Variants in KCNT2 observed in about 807,000 individuals in gnomAD.
KCNT2 encodes the protein potassium sodium-activated channel subfamily T member 2, also known as potassium channel subfamily T member 2.
In KCNT2, 67 loss-of-function variants were observed where a neutral mutation model predicts 153.8. The ratio of observed to expected loss-of-function variants is 0.44; its 90% CI spans 0.36 to 0.53. KCNT2 has a LOEUF of 0.53. KCNT2 is among the 20% of genes least tolerant of loss of function. The pLI is 0.00. For synonymous variants in KCNT2, 500 were observed against 458.8 expected (o/e 1.09, Z -1.15); for missense variants, 975 against 1,354.8 (o/e 0.72, Z 4.40).
intron 26 of KCNT2, among the ~76,000 whole-genome samples, chr1:196,252,677 A>C (rs1656082517): frequency 6.6e-6 from 1 of 151,620 alleles, no homozygotes; most frequent in South Asian, 2.1e-4. Context: ...CTATATATTT[A>C]CTATTTGGTC....
chr1:196,508,982 C>A (rs962647390), intron 1 of KCNT2, among the ~76,000 whole-genome samples: 6 of 152,068 alleles, frequency 3.9e-5, no homozygotes, highest in African/African-American at 1.4e-4. Context: ...CAAGAAGGTT[C>A]AAAGGACCGG....
intron 12 of KCNT2, among the ~76,000 whole-genome samples, chr1:196,403,073 C>G (rs1671553376): frequency 6.6e-6 from 1 of 151,578 alleles, no homozygotes; most frequent in African/African-American, 2.4e-5. Flanking sequence ...TAGTATTTAC[C>G]TAAGTGAACA....
chr1:196,391,551 C>G (rs1462467930), intron 13 of KCNT2, among the ~76,000 whole-genome samples: 4 of 151,136 alleles, frequency 2.6e-5, no homozygotes, highest in Non-Finnish European at 5.9e-5. Flanking sequence ...TGGAGATAAA[C>G]AAAAGATTAT....
intron 22 of KCNT2, among the ~76,000 whole-genome samples, chr1:196,292,834 A>T (rs1660323358): frequency 2.1e-5 from 3 of 140,602 alleles, no homozygotes; most frequent in African/African-American, 8.0e-5. Flanking sequence ...AAAAAAAAAA[A>T]GGAAGAAGTT....
At chr1:196,379,126 T>C (rs1369102133) in intron 13 of KCNT2, among the ~76,000 whole-genome samples, 1 of 152,168 alleles carries the variant, frequency 6.6e-6, no homozygotes, top group African/African-American at 2.4e-5. Context: ...CCCTAAACTC[T>C]TTTCTTCTTG....
intron 13 of KCNT2, among the ~76,000 whole-genome samples, chr1:196,395,829 C>T (rs540501887): frequency 5.9e-5 from 9 of 151,352 alleles, no homozygotes; most frequent in South Asian, 2.1e-4. Flanking sequence ...TAGGGTAAAC[C>T]GAAGGAGCTA....
intron 12 of KCNT2, among the ~76,000 whole-genome samples, chr1:196,419,756 A>G (rs1222373559): frequency 6.6e-6 from 1 of 151,966 alleles, no homozygotes; most frequent in Non-Finnish European, 1.5e-5. Flanking sequence ...AAGACATTCC[A>G]ATTTTCCACC....
At chr1:196,426,823 A>G (rs1480639162) in intron 10 of KCNT2, among the ~76,000 whole-genome samples, 1 of 151,868 alleles carries the variant, frequency 6.6e-6, no homozygotes, top group Non-Finnish European at 1.5e-5. Flanking sequence ...TCACGGTGGC[A>G]GATTTCCCCC....
intron 6 of KCNT2, 29 bp from the exon 7 acceptor site, chr1:196,467,815 C>T: frequency 7.0e-7 from 1 of 1,428,726 alleles, no homozygotes; most frequent in South Asian, 1.2e-5. Context: ...CAAAACTAGA[C>T]TTTTATCTCA....
At chr1:196,349,410 T>C (rs944996168) in intron 14 of KCNT2, among the ~76,000 whole-genome samples, 4 of 152,160 alleles carry the variant, frequency 2.6e-5, no homozygotes, top group South Asian at 2.1e-4. Context: ...TTGTTCTCCC[T>C]GGGCTGTCGC....
chr1:196,484,540 T>C (rs1475845646), intron 3 of KCNT2, among the ~76,000 whole-genome samples: 1 of 152,148 alleles, frequency 6.6e-6, no homozygotes, highest in Non-Finnish European at 1.5e-5. Flanking sequence ...TAAGATCCTG[T>C]TTGTCAATTT....
At chr1:196,257,142 T>G in intron 26 of KCNT2, 474 of 675,438 alleles carry the variant, frequency 7.0e-4, no homozygotes, top group South Asian at 9.9e-4. Flanking sequence ...AAAGGTAAAA[T>G]GAGATACCTA....
At chr1:196,399,140 T>C (rs571451111) in intron 12 of KCNT2, among the ~76,000 whole-genome samples, 1 of 150,732 alleles carries the variant, frequency 6.6e-6, no homozygotes, top group South Asian at 2.1e-4. Context: ...TGTGGTATGT[T>C]TGAAGACATA....
intron 21 of KCNT2, among the ~76,000 whole-genome samples, chr1:196,309,350 C>A (rs1397072938): frequency 2.0e-5 from 3 of 151,894 alleles, no homozygotes; most frequent in Non-Finnish European, 4.4e-5. Context: ...TTTTATAACA[C>A]ATTTTATCAA....
chr1:196,354,431 G>A (rs1300351338), intron 14 of KCNT2, among the ~76,000 whole-genome samples: 1 of 151,604 alleles, frequency 6.6e-6, no homozygotes, highest in South Asian at 2.1e-4. Context: ...ATCAAACTAA[G>A]TTATCTTTGC....
chr1:196,569,716 A>G (rs1253152583), intron 1 of KCNT2, among the ~76,000 whole-genome samples: 2 of 152,176 alleles, frequency 1.3e-5, no homozygotes, highest in African/African-American at 4.8e-5. Flanking sequence ...ATTCAAAAGG[A>G]TAACAGGAAA....
chr1:196,592,662 T>A (rs1663518983), intron 1 of KCNT2, among the ~76,000 whole-genome samples: 1 of 146,554 alleles, frequency 6.8e-6, no homozygotes, highest in African/African-American at 2.5e-5. Context: ...TATATATGTC[T>A]ATAGACATAC....
At chr1:196,305,452 T>A (rs1661538695) in intron 21 of KCNT2, 107 bp from the exon 22 acceptor site, 2 of 634,378 alleles carry the variant, frequency 3.2e-6, no homozygotes, top group East Asian at 2.8e-5. Context: ...TAAAACTATA[T>A]CCAATTACAA....
intron 13 of KCNT2, among the ~76,000 whole-genome samples, chr1:196,375,621 T>C (rs1195883653): frequency 6.6e-6 from 1 of 151,760 alleles, no homozygotes; most frequent in East Asian, 1.9e-4. Context: ...TTATTATTAT[T>C]TCCATTTTTT....
Sources: allele counts gnomAD v4.1 joint callset (sites outside exome capture counted in the v4.1 genomes callset), GRCh38; gene constraint gnomAD v4.1.1; transcripts MANE v1.5; gene names NCBI Gene and HGNC (gene_info 2026-07-23, HGNC 2026-07-21).